The following ZNF106 variants were observed in gnomAD, a reference collection of about 807,000 sequenced individuals.
The protein encoded by ZNF106 is SH3-domain binding protein 3.
Under a neutral mutation model 195.1 loss-of-function variants are expected in ZNF106, and 67 were observed. The observed-to-expected ratio is 0.34, with a 90% CI of 0.28 to 0.42. ZNF106 has a LOEUF of 0.42. Ranked by LOEUF, ZNF106 falls within the 10% of genes least tolerant of loss-of-function variation. The probability of loss-of-function intolerance (pLI) is 1.00; values close to 1 mark genes in which losing one functional copy is unlikely to be tolerated. For synonymous variants in ZNF106, 784 were observed against 818.6 expected, an observed-to-expected ratio of 0.96 and a Z score of 0.72; for missense variants, 2,118 against 2,304.5, an observed-to-expected ratio of 0.92 and a Z score of 1.66.
chr15:42,481,606 G>A (rs1595499182), intron 1 of ZNF106, among the ~76,000 whole-genome samples: 1 of 151,710 alleles, frequency 6.6e-6, no homozygotes, highest in South Asian at 2.1e-4. Flanking sequence ...GTCATCACCC[G>A]CATCAACCTC....
intron 1 of ZNF106, among the ~76,000 whole-genome samples, chr15:42,489,668 G>A (rs1395597079): frequency 6.6e-6 from 1 of 152,146 alleles, no homozygotes; most frequent in Non-Finnish European, 1.5e-5. Context: ...CCAAACTTGA[G>A]AACGGGGCTT....
intron 1 of ZNF106, among the ~76,000 whole-genome samples, chr15:42,472,737 T>A (rs888746517): frequency 6.6e-6 from 1 of 152,106 alleles, no homozygotes; most frequent in African/African-American, 2.4e-5. Flanking sequence ...AATGGACAGG[T>A]GCAGGGGCTC....
chr15:42,447,722 G>A (rs918013241), intron 6 of ZNF106, among the ~76,000 whole-genome samples: 12 of 152,156 alleles, frequency 7.9e-5, no homozygotes, highest in Admixed American at 2.6e-4. Flanking sequence ...ACAGTAGAAC[G>A]CCTTTCTTCA....
chr15:42,418,558 T>TTTTTTTTTTG (rs1256860572), intron 20 of ZNF106, among the ~76,000 whole-genome samples: 2 of 141,194 alleles, frequency 1.4e-5, no homozygotes, highest in Non-Finnish European at 3.0e-5. Context: ...TTTTTTTTTT[T>TTTTTTTTTTG]AGTAAAGACA....
chr15:42,473,314 A>G (rs2056719311), intron 1 of ZNF106, among the ~76,000 whole-genome samples: 1 of 152,174 alleles, frequency 6.6e-6, no homozygotes. Flanking sequence ...GAATTTCCCA[A>G]TGGCGTCCAT....
chr15:42,455,584 T>C (rs752810217), intron 4 of ZNF106, among the ~76,000 whole-genome samples: 9 of 152,202 alleles, frequency 5.9e-5, no homozygotes, highest in Admixed American at 1.3e-4. Flanking sequence ...TGTTATTACA[T>C]AGATAAGGGC....
At chr15:42,419,157 T>A (rs1161891673) in intron 20 of ZNF106, among the ~76,000 whole-genome samples, 2 of 150,558 alleles carry the variant, frequency 1.3e-5, no homozygotes, top group East Asian at 3.9e-4. Context: ...TCACCTGAGG[T>A]CAGGAGTTCA....
chr15:42,416,313 T>G lies in ZNF106; in HGVS notation c.*991A>C, dbSNP rs961584377. 1.3e-5 allele frequency: 2 copies of G among 152,482 alleles called. No homozygotes were observed. The highest frequency in any genetic ancestry group is 3.4e-3 in the Middle Eastern group (1 of 294). 9.4% of individuals were successfully genotyped at this position (152,482 alleles called of 1,614,324 possible). On this transcript the variant is annotated 3_prime_UTR_variant, in exon 22 of 22. Transcript: ENST00000564754. ...TTCTAACCCCCTCTCCCCCACCATCTTAGTTGCTGCAGGGGGGTGGAAAAC... is the reference window on the plus strand; with the variant it reads ...TTCTAACCCCCTCTCCCCCACCATCGTAGTTGCTGCAGGGGGGTGGAAAAC...
chr15:42,444,400 TC>T, intron 8 of ZNF106, 138 bp from the exon 9 acceptor site: 1 of 650,310 alleles, frequency 1.5e-6, no homozygotes, highest in South Asian at 2.1e-5. Flanking sequence ...GCAGGTTTTC[TC>T]CAGCAGGCTT....
At chr15:42,477,998 G>C (rs1030310141) in intron 1 of ZNF106, among the ~76,000 whole-genome samples, 46 of 150,870 alleles carry the variant, frequency 3.0e-4, no homozygotes, top group African/African-American at 1.1e-3. Context: ...TTATTTATTT[G>C]AGACAGAGTC....
At chr15:42,478,519 T>C (rs530973138) in intron 1 of ZNF106, among the ~76,000 whole-genome samples, 88 of 133,926 alleles carry the variant, frequency 6.6e-4, no homozygotes, top group East Asian at 1.7e-3. Flanking sequence ...TTTCTTTTTT[T>C]TTTTTTTTTT....
At chr15:42,464,577 G>A (rs1290770427) in intron 3 of ZNF106, among the ~76,000 whole-genome samples, 1 of 145,072 alleles carries the variant, frequency 6.9e-6, no homozygotes, top group Non-Finnish European at 1.5e-5. Flanking sequence ...CACCAGGCTG[G>A]AGTGTGGTGG....
intron 1 of ZNF106, among the ~76,000 whole-genome samples, chr15:42,487,332 T>G (rs111717359): frequency 1.3e-5 from 2 of 150,172 alleles, no homozygotes; most frequent in Non-Finnish European, 3.0e-5. Flanking sequence ...CACAAAAAAT[T>G]TATTAATTAG....
At chr15:42,481,078 A>G (rs2056888406) in intron 1 of ZNF106, among the ~76,000 whole-genome samples, 1 of 152,210 alleles carries the variant, frequency 6.6e-6, no homozygotes, top group South Asian at 2.1e-4. Context: ...GCTTTATGGG[A>G]TATGTTTTAT....
Position 42,442,125 on chromosome 15 carries a change from A to G in ZNF106, c.3711T>C (p.Ala1237=), listed in dbSNP as rs745697063. 9.9e-6 allele frequency: 16 copies of G among 1,614,136 alleles called. No homozygotes were observed. The South Asian group carries it at 1.4e-4, about 14-fold the overall frequency. The change falls in exon 10 of 22, where the codon GCT becomes GCC. Residue 1237 remains alanine (A), a synonymous_variant. Transcript: ENST00000564754. ...CATTGCAGGCAGAGCTTGGTGGCACAGCATTCACATTCTCATCTTGTTCAG... is the reference window on the plus strand; with the variant it reads ...CATTGCAGGCAGAGCTTGGTGGCACGGCATTCACATTCTCATCTTGTTCAG... The part of the protein sequence containing the change: ...MSPEQDENVN[A]VPPSSACNVS...
intron 15 of ZNF106, among the ~76,000 whole-genome samples, chr15:42,426,071 G>A (rs1003295644): frequency 6.6e-6 from 1 of 152,156 alleles, no homozygotes; most frequent in Non-Finnish European, 1.5e-5. Flanking sequence ...CTACATTGCT[G>A]AGCAATGATT....
intron 14 of ZNF106, among the ~76,000 whole-genome samples, 184 bp downstream of exon 14, chr15:42,435,198 CAG>C (rs2055227149): frequency 6.6e-6 from 1 of 152,124 alleles, no homozygotes; most frequent in South Asian, 2.1e-4. Context: ...TGGAGAGAGA[CAG>C]AAAATATGGT....
chr15:42,490,024 G>C (rs2057110713), intron 1 of ZNF106, among the ~76,000 whole-genome samples: 1 of 151,950 alleles, frequency 6.6e-6, no homozygotes, highest in South Asian at 2.1e-4. Flanking sequence ...GGGCGAAAGA[G>C]CGAAACTCCG....
At chr15:42,489,853 T>C (rs1456213305) in intron 1 of ZNF106, among the ~76,000 whole-genome samples, 2 of 150,656 alleles carry the variant, frequency 1.3e-5, no homozygotes, top group Admixed American at 6.6e-5. Flanking sequence ...CTGGCCAACA[T>C]GGTGAGACCT....
Sources: allele counts gnomAD v4.1 joint callset (sites outside exome capture counted in the v4.1 genomes callset), GRCh38; gene constraint gnomAD v4.1.1; transcripts MANE v1.5; gene names NCBI Gene and HGNC (gene_info 2026-07-23, HGNC 2026-07-21).